SHISA6: variants seen among roughly 807,000 people sequenced by gnomAD.
SHISA6 encodes the protein shisa family member 6.
SHISA6 carries 22 observed loss-of-function variants against 47.9 expected under a neutral mutation model. The observed-to-expected ratio is 0.46, with a 90% CI of 0.33 to 0.66. The LOEUF is 0.66. Among genes scored for constraint, SHISA6 ranks in the 30% least tolerant of loss-of-function variants. SHISA6 has a pLI of 0.02. For synonymous variants in SHISA6, 388 were observed against 337.8 expected, an observed-to-expected ratio of 1.15 and a Z score of -1.63; for missense variants, 680 against 764.6, an observed-to-expected ratio of 0.89 and a Z score of 1.30.
chr17:11,334,315 G>T (rs1263963807), intron 2 of SHISA6, among the ~76,000 whole-genome samples: 2 of 152,118 alleles, frequency 1.3e-5, no homozygotes, highest in Non-Finnish European at 2.9e-5. Context: ...TGGAGAACTG[G>T]TTGATGTAAG....
chr17:11,341,448 C>T (rs1487753950), intron 2 of SHISA6, among the ~76,000 whole-genome samples: 1 of 149,220 alleles, frequency 6.7e-6, no homozygotes, highest in Admixed American at 6.7e-5. Flanking sequence ...GATTCTCTTG[C>T]CTCAGCCTCC....
chr17:11,371,826 C>CA (rs1475883680), intron 2 of SHISA6, among the ~76,000 whole-genome samples: 7 of 151,920 alleles, frequency 4.6e-5, no homozygotes, highest in Admixed American at 4.6e-4. Flanking sequence ...TTAGAATATT[C>CA]AAAAATTAAA....
chr17:11,459,110 T>G (rs1206707258), intron 3 of SHISA6, among the ~76,000 whole-genome samples: 1 of 150,242 alleles, frequency 6.7e-6, no homozygotes, highest in East Asian at 2.0e-4. Context: ...TCCCAGCTAC[T>G]CGGGAGACTG....
chr17:11,316,759 T>C (rs968968386), intron 2 of SHISA6, among the ~76,000 whole-genome samples: 10 of 152,190 alleles, frequency 6.6e-5, no homozygotes, highest in Non-Finnish European at 8.8e-5. Context: ...CGTTCATTCT[T>C]ATTTTCTTAC....
intron 2 of SHISA6, among the ~76,000 whole-genome samples, chr17:11,287,783 A>G (rs2321717): frequency 0.94 from 136,276 of 145,454 alleles, 63,766 homozygotes; most frequent in East Asian, 1. Flanking sequence ...AAGGAAGGCC[A>G]TTGATATTCT....
At chr17:11,298,741 C>T (rs1471323058) in intron 2 of SHISA6, among the ~76,000 whole-genome samples, 3 of 152,142 alleles carry the variant, frequency 2.0e-5, no homozygotes, top group Admixed American at 1.3e-4. Flanking sequence ...AGGGAAGGCA[C>T]AGTGAGAACC....
At chr17:11,507,209 T>C (rs1458455513) in intron 3 of SHISA6, among the ~76,000 whole-genome samples, 1 of 152,172 alleles carries the variant, frequency 6.6e-6, no homozygotes, top group Non-Finnish European at 1.5e-5. Flanking sequence ...TCAATTAATA[T>C]TGGTTTTTAA....
chr17:11,289,060 GTTATTA>G (rs1464036633), intron 2 of SHISA6: 1 of 151,904 alleles, frequency 6.6e-6, no homozygotes, highest in Non-Finnish European at 1.5e-5. Context: ...AAATGTTTTT[GTTATTA>G]TTATATTTTT....
At chr17:11,345,464 A>T (rs1238004143) in intron 2 of SHISA6, among the ~76,000 whole-genome samples, 2 of 152,030 alleles carry the variant, frequency 1.3e-5, no homozygotes, top group African/African-American at 4.8e-5. Flanking sequence ...ACTATTTTGT[A>T]TTTTTTTGCC....
intron 2 of SHISA6, among the ~76,000 whole-genome samples, chr17:11,351,240 A>C (rs1238816717): frequency 6.6e-6 from 1 of 152,164 alleles, no homozygotes; most frequent in African/African-American, 2.4e-5. Context: ...GCAAACCATC[A>C]TGGCACATGT....
At chr17:11,352,877 G>A (rs937050842) in intron 2 of SHISA6, among the ~76,000 whole-genome samples, 1 of 152,162 alleles carries the variant, frequency 6.6e-6, no homozygotes, top group African/African-American at 2.4e-5. Context: ...CTAACTATTT[G>A]GGGGAGAAAC....
At chr17:11,557,693 T>A in intron 5 of SHISA6, 61 bp from the exon 6 acceptor site, 1 of 1,464,744 alleles carries the variant, frequency 6.8e-7, no homozygotes. Flanking sequence ...CAGGGTTCTA[T>A]CTGAGTCCTG....
At chr17:11,542,361 A>C (rs1567634531) in intron 3 of SHISA6, among the ~76,000 whole-genome samples, 1 of 152,176 alleles carries the variant, frequency 6.6e-6, no homozygotes, top group Non-Finnish European at 1.5e-5. Flanking sequence ...CTGTCAACCA[A>C]GAATTCTACA....
chr17:11,461,427 G>A (rs2142313890), intron 3 of SHISA6, among the ~76,000 whole-genome samples: 1 of 150,276 alleles, frequency 6.7e-6, no homozygotes, highest in Admixed American at 6.6e-5. Context: ...AAAGGTACCT[G>A]GGATTTGTTT....
chr17:11,555,418 C>T (rs1191434993), intron 4 of SHISA6, among the ~76,000 whole-genome samples: 1 of 151,996 alleles, frequency 6.6e-6, no homozygotes, highest in Non-Finnish European at 1.5e-5. Context: ...TTATGATGCC[C>T]CTCAGCTCCA....
chr17:11,370,538 C>G (rs915289595), intron 2 of SHISA6, among the ~76,000 whole-genome samples: 2 of 152,180 alleles, frequency 1.3e-5, no homozygotes, highest in Admixed American at 1.3e-4. Flanking sequence ...GGTTCGCTTA[C>G]GAACTGCTTT....
intron 1 of SHISA6, among the ~76,000 whole-genome samples, chr17:11,242,573 T>C (rs1907409825): frequency 6.6e-6 from 1 of 152,148 alleles, no homozygotes; most frequent in Admixed American, 6.5e-5. Context: ...CTGCCGGAAG[T>C]AGGGATAAAG....
At chr17:11,402,066 G>C (rs1913791984) in intron 3 of SHISA6, among the ~76,000 whole-genome samples, 1 of 140,330 alleles carries the variant, frequency 7.1e-6, no homozygotes, top group Non-Finnish European at 1.7e-5. Flanking sequence ...GACATTGTAA[G>C]GGGCTCCTAA....
intron 3 of SHISA6, among the ~76,000 whole-genome samples, chr17:11,536,348 C>A (rs1199321202): frequency 6.6e-6 from 1 of 152,108 alleles, no homozygotes; most frequent in South Asian, 2.1e-4. Context: ...CAGGTACACG[C>A]ATAGCATTAC....
Sources: gnomAD v4.1 joint callset for allele counts (sites outside exome capture counted in the v4.1 genomes callset) on GRCh38, gnomAD v4.1.1 for gene constraint, MANE v1.5 for transcripts, NCBI Gene and HGNC (gene_info 2026-07-23, HGNC 2026-07-21) for gene names.